The following SMARCAD1 variants were observed in gnomAD, a reference collection of about 807,000 sequenced individuals.
SMARCAD1 encodes SWI/SNF-related matrix-associated actin-dependent regulator of chromatin subfamily A containing DEAD/H box 1.
SMARCAD1 carries 25 observed loss-of-function variants against 127.1 expected under a neutral mutation model. The observed-to-expected ratio is 0.20, with a 90% CI of 0.14 to 0.27. The LOEUF (loss-of-function observed/expected upper bound fraction) is 0.27, where lower values mean the gene tolerates loss of function less well. Among genes scored for constraint, SMARCAD1 ranks in the 10% least tolerant of loss-of-function variants. SMARCAD1 has a pLI of 1.00. For missense variants in SMARCAD1, 807 were observed against 1,206.0 expected, an observed-to-expected ratio of 0.67 and a Z score of 4.90; for synonymous variants, 400 against 396.9, an observed-to-expected ratio of 1.01 and a Z score of -0.09.
intron 9 of SMARCAD1, among the ~76,000 whole-genome samples, chr4:94,260,921 T>C (rs1005454150): frequency 6.6e-6 from 1 of 152,156 alleles, no homozygotes; most frequent in Non-Finnish European, 1.5e-5. Context: ...AATGTGTAAA[T>C]TGGTACAGCT....
At position 94,289,581 on chromosome 4, in the gene SMARCAD1, G is replaced by A. The variant is rs79225572; in HGVS notation, c.*47G>A. The A allele has an allele frequency of 4.7e-3, 6,722 of 1,425,192 alleles. 33 individuals carry two copies. The highest frequency in any genetic ancestry group is 6.3e-3 in the Non-Finnish European group (6,319 of 1,007,958). The allele number at this position is 1,425,192 out of a possible 1,614,324, so 88.3% of individuals were successfully genotyped here. A position where few individuals can be genotyped will look rare whatever the true frequency, so the allele number is the denominator to read the frequency against. On this transcript the variant is annotated 3_prime_UTR_variant, in exon 24 of 24. Transcript: ENST00000354268. ...ATTGATGAGGAAATATCAACTTGGT[G>A]CACTCAAGGACATTTACATTATGAT...
At chr4:94,275,796 C>CTTTTATTTTATTTTATTTTTTT in intron 14 of SMARCAD1, among the ~76,000 whole-genome samples, 1 of 85,412 alleles carries the variant, frequency 1.2e-5, no homozygotes, top group Admixed American at 1.3e-4. Context: ...TTAACATTTT[C>CTTTTATTTTATTTTATTTTTTT]TTTTTTTTTT....
rs147447049 is a variant in SMARCAD1, at chr4:94,214,829, T to G, written c.190+6245T>G. On this transcript the variant is annotated intron_variant, in intron 2 of 23. Transcript: ENST00000354268. ...TTTTTTTTTTTTTGCTGAAATAGAT[T>G]TAGTCCTCTAGAGTGGTTGCCTTTT... 7.9e-5 allele frequency among the ~76,000 whole-genome samples: 12 copies of G among 152,254 alleles called. 2 individuals carry two copies. In the East Asian group the frequency reaches 2.3e-3, roughly 29 times the overall value.
intron 14 of SMARCAD1, among the ~76,000 whole-genome samples, chr4:94,275,218 T>A (rs1028249021): frequency 6.6e-6 from 1 of 152,200 alleles, no homozygotes; most frequent in Non-Finnish European, 1.5e-5. Flanking sequence ...AAAGTCGTCT[T>A]GTAATAGTAA....
Position 94,273,702 on chromosome 4 carries a change from CA to C in SMARCAD1, c.1659del (p.Ala554LeufsTer4). On this transcript the variant is annotated frameshift_variant, in exon 12 of 24. Transcript: ENST00000354268. LOFTEE classifies it high-confidence loss of function. ...AATGGTCCTCATTTGATCGTTGTTC[CA>C]GCTTCAACTATAGGTTTGTAATACT... ...GNNGPHLIVV[P>X]ASTIDNWLRE... 6.2e-7 allele frequency: 1 copy of C among 1,612,988 alleles called. No individual in the cohort carries two copies.
chr4:94,255,200 C>T (rs1370708359), intron 9 of SMARCAD1, among the ~76,000 whole-genome samples: 1 of 152,010 alleles, frequency 6.6e-6, no homozygotes, highest in Non-Finnish European at 1.5e-5. Flanking sequence ...ATATTAAGAA[C>T]AACCTGCTAA....
intron 6 of SMARCAD1, 53 bp downstream of exon 6, chr4:94,241,059 A>T: frequency 2.3e-6 from 3 of 1,282,924 alleles, no homozygotes; most frequent in Non-Finnish European, 3.4e-6. Context: ...AGGTTAGGAT[A>T]TGTGGAGTTT....
intron 6 of SMARCAD1, among the ~76,000 whole-genome samples, chr4:94,242,469 T>G (rs1434706189): frequency 1.3e-5 from 2 of 152,184 alleles, no homozygotes; most frequent in Non-Finnish European, 2.9e-5. Flanking sequence ...GATCTCTACC[T>G]CTGGCCATCT....
rs763696423 is a variant in SMARCAD1 at position 94,227,040 on chromosome 4, GA to G, written c.368+748del. 4.1e-4 allele frequency among the ~76,000 whole-genome samples: 63 copies of G among 152,194 alleles called. 2 individuals are homozygous for G. The highest frequency in any genetic ancestry group is 7.5e-4 in the Non-Finnish European group (51 of 68,010). On this transcript the variant is annotated intron_variant, in intron 3 of 23. Coordinates refer to ENST00000354268, the MANE Select transcript of SMARCAD1 (RefSeq NM_020159.5). ...GAATGGTTTCTAAAGAGCGTGGTCA[GA>G]AAAGCCTCAATTGAGAAGACAGTGC...
In SMARCAD1 at chr4:94,252,908, A is replaced by G. The variant is rs61762661; in HGVS notation, c.1182A>G (p.Gln394=). 1.4e-5 allele frequency: 22 copies of G among 1,614,022 alleles called. No individual in the cohort carries two copies. Among genetic ancestry groups the G allele is most frequent in the Middle Eastern group, 1.6e-4 (1 of 6,082 alleles). Residue 394 remains glutamine (Q), a synonymous_variant, in exon 9 of 24, where the codon CAA becomes CAG. Transcript: ENST00000354268. ...GYKGKILHFL[Q]DASIGELTLI... ...AAGGTAAAATTCTTCACTTCCTTCA[A>G]GATGCTTCAATTGGTGAACTTACTT... is the stretch of plus-strand genomic sequence containing the variant.
chr4:94,280,879 G>C (rs1036317244), intron 20 of SMARCAD1, 99 bp downstream of exon 20: 16 of 1,118,666 alleles, frequency 1.4e-5, no homozygotes, highest in Non-Finnish European at 2.0e-5. Flanking sequence ...GCCTATGTCT[G>C]TTCTGCATTC....
At chr4:94,260,511 T>C (rs58744327) in intron 9 of SMARCAD1, among the ~76,000 whole-genome samples, 10,291 of 151,972 alleles carry the variant, frequency 0.068, 1,175 homozygotes, top group African/African-American at 0.23. Context: ...ACCCAGTTAA[T>C]TTTTGTATTT....
At chr4:94,211,338 G>T (rs1742223256) in intron 2 of SMARCAD1, among the ~76,000 whole-genome samples, 1 of 152,146 alleles carries the variant, frequency 6.6e-6, no homozygotes, top group Non-Finnish European at 1.5e-5. Flanking sequence ...TTAGCCTGGG[G>T]TCTAGGGATT....
intron 7 of SMARCAD1, among the ~76,000 whole-genome samples, chr4:94,250,295 A>G (rs1445396099): frequency 6.6e-6 from 1 of 152,016 alleles, no homozygotes; most frequent in Admixed American, 6.6e-5. Flanking sequence ...TTTAGAGTAC[A>G]TTTACACTTG....
intron 10 of SMARCAD1, among the ~76,000 whole-genome samples, chr4:94,266,643 A>ATT (rs1751769464): frequency 1.3e-5 from 2 of 152,084 alleles, no homozygotes; most frequent in Admixed American, 6.6e-5. Flanking sequence ...GTATGTAGAC[A>ATT]TTTAAAGTTG....
intron 4 of SMARCAD1, among the ~76,000 whole-genome samples, chr4:94,235,658 TTTG>T: frequency 6.6e-6 from 1 of 151,712 alleles, no homozygotes; most frequent in African/African-American, 2.4e-5. Flanking sequence ...TTTTTTTTTT[TTTG>T]TGGAAACAAA....
intron 9 of SMARCAD1, among the ~76,000 whole-genome samples, chr4:94,257,771 C>G (rs538212477): frequency 1.3e-5 from 2 of 152,092 alleles, no homozygotes; most frequent in South Asian, 4.1e-4. Context: ...TCTCATTGTT[C>G]TGATCACCTC....
intron 6 of SMARCAD1, among the ~76,000 whole-genome samples, chr4:94,248,770 T>C (rs1404292792): frequency 6.6e-6 from 1 of 152,218 alleles, no homozygotes; most frequent in African/African-American, 2.4e-5. Flanking sequence ...CTCTGTTTTA[T>C]GAAATTTTAT....
At chr4:94,252,003 C>A (rs1749350993) in intron 8 of SMARCAD1, among the ~76,000 whole-genome samples, 1 of 152,092 alleles carries the variant, frequency 6.6e-6, no homozygotes, top group African/African-American at 2.4e-5. Context: ...AGGCATGCAC[C>A]ACCATGCCTG....
Sources: allele counts gnomAD v4.1 joint callset (sites outside exome capture counted in the v4.1 genomes callset), GRCh38; gene constraint gnomAD v4.1.1; transcripts MANE v1.5; gene names NCBI Gene and HGNC (gene_info 2026-07-23, HGNC 2026-07-21).